The following ALG9 variants were observed in gnomAD, a reference collection of about 807,000 sequenced individuals.
ALG9 encodes the protein alpha-1,2-mannosyltransferase ALG9.
A neutral mutation model predicts 81.8 loss-of-function variants in ALG9; 55 were observed. That is an observed-to-expected ratio of 0.67 (90% CI 0.54 to 0.84). The LOEUF (loss-of-function observed/expected upper bound fraction) is 0.84. Ranked by LOEUF, ALG9 falls within the 40% of genes least tolerant of loss-of-function variation. ALG9 has a pLI of 0.00. For missense variants in ALG9, 629 were observed against 745.0 expected (o/e 0.84, Z 1.81); for synonymous variants, 278 against 274.3 (o/e 1.01, Z -0.13).
intron 9 of ALG9, among the ~76,000 whole-genome samples, chr11:111,841,669 A>G (rs1555124041): frequency 1.3e-5 from 2 of 152,200 alleles, no homozygotes; most frequent in Non-Finnish European, 2.9e-5. Flanking sequence ...CACCATGTTA[A>G]CAGTAAGCCA....
chr11:111,813,307 A>G (rs1951011349), intron 13 of ALG9, among the ~76,000 whole-genome samples: 1 of 152,250 alleles, frequency 6.6e-6, no homozygotes, highest in Non-Finnish European at 1.5e-5. Context: ...CTTTTCACCA[A>G]AAGACACATT....
rs782565645 is a variant in ALG9 at position 111,857,722 on chromosome 11, C to T, written c.581G>A (p.Ser194Asn). 1.2e-6 allele frequency: 2 copies of T among 1,614,006 alleles called. No individual in the cohort carries two copies. The highest frequency in any genetic ancestry group is 1.7e-6 in the Non-Finnish European group (2 of 1,179,996). The change falls in exon 6 of 15, where the codon AGC becomes AAC. Residue 194 changes from serine (S) to asparagine (N), a missense_variant. By Grantham distance (46) the Ser-to-Asn change is conservative (BLOSUM62 1). Coordinates refer to ENST00000616540, the MANE Select transcript of ALG9 (RefSeq NM_024740.2). ...TATCAACGTAGTGTACATACAGAAG[C>T]TACTAGGAAGGAATGCTGCAAGAGT... Reference protein sequence around the residue: ...FCSSSAFLPSSFCMYTTLIAM... With the variant: ...FCSSSAFLPSNFCMYTTLIAM...
rs538645237 is a variant in ALG9 at position 111,811,480 on chromosome 11, T to C, written c.1603-1707A>G. On this transcript the variant is annotated intron_variant, in intron 13 of 14. Coordinates refer to ENST00000616540, the MANE Select transcript of ALG9 (RefSeq NM_024740.2). ...ATTGTTTGAACCTGGGAGGTGGAGG[T>C]TGCAGTGAGCCAAGATTACACCACT... Among the ~76,000 whole-genome samples the C allele has an allele frequency of 2.0e-3, 293 of 149,572 alleles. 1 individual carries two copies. Among genetic ancestry groups the C allele is most frequent in the African/African-American group, 6.7e-3 (270 of 40,444 alleles).
chr11:111,784,259 G>A lies in ALG9; in HGVS notation c.*2138C>T, dbSNP rs1270901951. ...CACTCCCCAGTTATTGTTCTGTACT[G>A]TCTAGACCTATTACCTCTCCAGCGC... On this transcript the variant is annotated 3_prime_UTR_variant, in exon 15 of 15. Coordinates refer to ENST00000616540, the MANE Select transcript of ALG9 (RefSeq NM_024740.2). 6.6e-6 allele frequency: 1 copy of A among 152,198 alleles called. No homozygotes were observed. The highest frequency in any genetic ancestry group is 2.4e-5 in the African/African-American group (1 of 41,442). The allele number at this position is 152,198 out of a possible 1,614,324, so 9.4% of individuals were successfully genotyped here. A position where few individuals can be genotyped will look rare whatever the true frequency, so the allele number is the denominator to read the frequency against.
chr11:111,868,789 T>A, intron 2 of ALG9, 53 bp from the exon 3 acceptor site: 2 of 1,492,442 alleles, frequency 1.3e-6, no homozygotes, highest in Non-Finnish European at 1.8e-6. Context: ...AAATCTCTGT[T>A]AAGCAGATGC....
downstream of ALG9, among the ~76,000 whole-genome samples, chr11:111,780,394 G>GTTTTGTT (rs71461590): frequency 0.25 from 35,858 of 143,540 alleles, 4,662 homozygotes; most frequent in Admixed American, 0.33. Context: ...TTTTTTTTTT[G>GTTTTGTT]TTTTGTTTTT....
At chr11:111,856,907 G>A (rs950097084) in intron 6 of ALG9, among the ~76,000 whole-genome samples, 1 of 152,100 alleles carries the variant, frequency 6.6e-6, no homozygotes, top group African/African-American at 2.4e-5. Flanking sequence ...GGGAGTTCAA[G>A]ACCAGCCTGA....
At chr11:111,831,092 G>C (rs782219648) in intron 13 of ALG9, among the ~76,000 whole-genome samples, 2 of 152,136 alleles carry the variant, frequency 1.3e-5, no homozygotes, top group African/African-American at 2.4e-5. Context: ...CGAGGCTGGA[G>C]TGCAGTGGCG....
chr11:111,867,159 G>A (rs1962763375), intron 3 of ALG9, among the ~76,000 whole-genome samples: 1 of 152,026 alleles, frequency 6.6e-6, no homozygotes, highest in South Asian at 2.1e-4. Context: ...GGGAAGGGAG[G>A]GACAGTATTT....
At chr11:111,813,665 G>C (rs1951065797) in intron 13 of ALG9, among the ~76,000 whole-genome samples, 1 of 152,070 alleles carries the variant, frequency 6.6e-6, no homozygotes, top group Non-Finnish European at 1.5e-5. Context: ...ACAAGACAAA[G>C]ACAAACCACC....
At position 111,784,963 on chromosome 11, in the gene ALG9, C is replaced by A. The variant is rs1946317184; in HGVS notation, c.*1434G>T. ...AGCACTGCTGTGCTGGTCTAACACACAGGCAGACTGGAGGCTCCAAAGAAC... is the reference window on the plus strand; with the variant it reads ...AGCACTGCTGTGCTGGTCTAACACAAAGGCAGACTGGAGGCTCCAAAGAAC... On this transcript the variant is annotated 3_prime_UTR_variant, in exon 15 of 15. Coordinates refer to ENST00000616540, the MANE Select transcript of ALG9 (RefSeq NM_024740.2). 6.6e-6 allele frequency: 1 copy of A among 152,580 alleles called. No individual in the cohort carries two copies. The highest frequency in any genetic ancestry group is 1.5e-5 in the Non-Finnish European group (1 of 68,050). The allele number at this position is 152,580 out of a possible 1,614,324, so 9.5% of individuals were successfully genotyped here. A position where few individuals can be genotyped will look rare whatever the true frequency, so the allele number is the denominator to read the frequency against.
At chr11:111,864,488 C>T in intron 4 of ALG9, 1 of 712,186 alleles carries the variant, frequency 1.4e-6, no homozygotes, top group South Asian at 1.5e-5. Context: ...GTTTCCCAAA[C>T]CACTTCTTAT....
chr11:111,869,573 T>C (rs1359144987), intron 2 of ALG9, among the ~76,000 whole-genome samples: 2 of 152,214 alleles, frequency 1.3e-5, no homozygotes, highest in African/African-American at 2.4e-5. Flanking sequence ...AAAAACTATC[T>C]CCAGGTATTA....
At chr11:111,831,274 C>A (rs1158067666) in intron 13 of ALG9, among the ~76,000 whole-genome samples, 1 of 152,144 alleles carries the variant, frequency 6.6e-6, no homozygotes, top group Non-Finnish European at 1.5e-5. Context: ...CTCCTGACCT[C>A]AGGTGATCCT....
intron 8 of ALG9, among the ~76,000 whole-genome samples, chr11:111,845,569 T>C (rs782397176): frequency 7.2e-5 from 11 of 152,154 alleles, no homozygotes; most frequent in Admixed American, 2.0e-4. Context: ...ACTCACACTA[T>C]TTTTTATTCT....
chr11:111,824,289 T>C (rs1555106500), intron 13 of ALG9, among the ~76,000 whole-genome samples: 1 of 145,504 alleles, frequency 6.9e-6, no homozygotes, highest in East Asian at 2.3e-4. Flanking sequence ...TGTTAAGTAC[T>C]AAATTAGGAA....
chr11:111,819,701 A>C (rs900816907), intron 13 of ALG9, among the ~76,000 whole-genome samples: 2 of 152,204 alleles, frequency 1.3e-5, no homozygotes, highest in Admixed American at 1.3e-4. Context: ...ACACATAATA[A>C]ATTCTGATTC....
chr11:111,831,543 C>T (rs1212890090), intron 13 of ALG9, among the ~76,000 whole-genome samples: 5 of 152,192 alleles, frequency 3.3e-5, no homozygotes, highest in Non-Finnish European at 7.3e-5. Context: ...TGCTCAGCTA[C>T]TTAATGTCTA....
At chr11:111,768,405 C>T in the ALG9 span, among the ~76,000 whole-genome samples, 1 of 151,718 alleles carries the variant, frequency 6.6e-6, no homozygotes, top group Non-Finnish European at 1.5e-5. Context: ...TGTGTAAGAA[C>T]TAGAAATAAA....
Sources: allele counts gnomAD v4.1 joint callset (sites outside exome capture counted in the v4.1 genomes callset), GRCh38; gene constraint gnomAD v4.1.1; transcripts MANE v1.5; gene names NCBI Gene and HGNC (gene_info 2026-07-23, HGNC 2026-07-21).